TTC39B: variants seen among roughly 807,000 people sequenced by gnomAD.
TTC39B encodes tetratricopeptide repeat domain 39B.
In TTC39B, 92 loss-of-function variants were observed where a neutral mutation model predicts 96.6. The observed-to-expected ratio is 0.95, with a 90% CI of 0.80 to 1.13. The LOEUF (loss-of-function observed/expected upper bound fraction) is 1.13, where lower values mean the gene tolerates loss of function less well. Among genes scored for constraint, TTC39B ranks in the 50% most tolerant of loss-of-function variants. The probability of loss-of-function intolerance (pLI) is 0.00; values close to 1 mark genes in which losing one functional copy is unlikely to be tolerated. For missense variants in TTC39B, 955 were observed against 809.3 expected, an observed-to-expected ratio of 1.18 and a Z score of -2.18; for synonymous variants, 367 against 299.4, an observed-to-expected ratio of 1.23 and a Z score of -2.33.
chr9:15,300,477 T>C (rs577032003), intron 1 of TTC39B, among the ~76,000 whole-genome samples: 1 of 152,316 alleles, frequency 6.6e-6, no homozygotes, highest in South Asian at 2.1e-4. Context: ...TCTTCCACAC[T>C]AACTGTTGCA....
chr9:15,230,843 G>A (rs1349687485), intron 2 of TTC39B, among the ~76,000 whole-genome samples: 1 of 152,076 alleles, frequency 6.6e-6, no homozygotes, highest in African/African-American at 2.4e-5. Flanking sequence ...AAATTAGCCA[G>A]GCATGGTGGT....
At chr9:15,291,081 A>G (rs1268453865) in intron 1 of TTC39B, among the ~76,000 whole-genome samples, 1 of 152,250 alleles carries the variant, frequency 6.6e-6, no homozygotes, top group East Asian at 1.9e-4. Flanking sequence ...GTTAGACAGC[A>G]TTAAAGGAAT....
intron 11 of TTC39B, 101 bp downstream of exon 11, chr9:15,190,453 C>A: frequency 9.9e-7 from 1 of 1,013,054 alleles, no homozygotes. Context: ...TCAACTGATC[C>A]TCCCACCTCA....
At chr9:15,164,285 TTAAATTA>T (rs1203848696) in exon 20 of TTC39B, 46 of 152,336 alleles carry the variant, frequency 3.0e-4, no homozygotes, top group African/African-American at 1.0e-3. Flanking sequence ...TAACAGAACA[TTAAATTA>T]TAAAGTACAT....
intron 3 of TTC39B, among the ~76,000 whole-genome samples, chr9:15,224,108 T>C (rs537569182): frequency 2.6e-5 from 4 of 152,148 alleles, no homozygotes; most frequent in Non-Finnish European, 5.9e-5. Context: ...CTCCCACTCC[T>C]TCTATTCACA....
At chr9:15,172,998 A>G (rs1442960070) in intron 19 of TTC39B, among the ~76,000 whole-genome samples, 4 of 152,202 alleles carry the variant, frequency 2.6e-5, no homozygotes, top group Non-Finnish European at 4.4e-5. Context: ...GCATAAAGGG[A>G]AAGTGCAGAT....
At chr9:15,251,787 A>G (rs546299294) in intron 2 of TTC39B, among the ~76,000 whole-genome samples, 28 of 146,350 alleles carry the variant, frequency 1.9e-4, no homozygotes, top group African/African-American at 6.9e-4. Flanking sequence ...TGATACTACT[A>G]TTTTAAATTA....
chr9:15,273,587 A>T (rs1020886521), intron 1 of TTC39B, among the ~76,000 whole-genome samples: 2 of 152,036 alleles, frequency 1.3e-5, no homozygotes, highest in African/African-American at 4.8e-5. Context: ...ACGCTCATTT[A>T]ACCACCGCAC....
At chr9:15,260,594 TA>T (rs1822909001) in intron 2 of TTC39B, among the ~76,000 whole-genome samples, 1 of 150,456 alleles carries the variant, frequency 6.6e-6, no homozygotes, top group African/African-American at 2.5e-5. Context: ...AAAACTATTG[TA>T]TCACCAACTG....
chr9:15,259,588 G>A (rs185873338), intron 2 of TTC39B, among the ~76,000 whole-genome samples: 53 of 152,238 alleles, frequency 3.5e-4, no homozygotes, highest in Non-Finnish European at 3.5e-4. Flanking sequence ...TAAATAAAAT[G>A]TGATATATTC....
chr9:15,258,954 T>C (rs939872903), intron 2 of TTC39B, among the ~76,000 whole-genome samples: 34 of 152,240 alleles, frequency 2.2e-4, no homozygotes, highest in African/African-American at 7.7e-4. Context: ...CTTCCCCCTG[T>C]GAATTTATAT....
chr9:15,225,221 G>A (rs1010072544), intron 3 of TTC39B, among the ~76,000 whole-genome samples: 5 of 152,044 alleles, frequency 3.3e-5, no homozygotes, highest in African/African-American at 1.2e-4. Context: ...ATTTTAAGAA[G>A]TAGATTACTG....
At chr9:15,231,080 TA>T (rs1435715826) in intron 2 of TTC39B, among the ~76,000 whole-genome samples, 2 of 152,212 alleles carry the variant, frequency 1.3e-5, no homozygotes, top group African/African-American at 4.8e-5. Context: ...TAAATTATGG[TA>T]TGTGGAATTG....
intron 2 of TTC39B, chr9:15,232,179 A>G (rs901223459): frequency 3.3e-5 from 5 of 152,512 alleles, no homozygotes; most frequent in African/African-American, 1.2e-4. Flanking sequence ...TCAAGTATAT[A>G]CCCATCTGCT....
intron 16 of TTC39B, 98 bp downstream of exon 16, chr9:15,185,182 A>C: frequency 7.0e-7 from 1 of 1,435,274 alleles, no homozygotes; most frequent in Non-Finnish European, 9.3e-7. Flanking sequence ...AATGGTTTTT[A>C]AATGAGCTAA....
intron 8 of TTC39B, among the ~76,000 whole-genome samples, chr9:15,198,446 G>A (rs1819311332): frequency 7.6e-6 from 1 of 132,100 alleles, no homozygotes. Flanking sequence ...AACAAAGCAA[G>A]GTCTCGGTCG....
intron 19 of TTC39B, 117 bp from the exon 20 acceptor site, chr9:15,172,226 C>A: frequency 1.7e-6 from 1 of 585,994 alleles, no homozygotes; most frequent in Non-Finnish European, 2.8e-6. Flanking sequence ...ATATACATAA[C>A]CGTAGATCTT....
chr9:15,296,580 C>T (rs984455535), intron 1 of TTC39B, among the ~76,000 whole-genome samples: 3 of 152,264 alleles, frequency 2.0e-5, no homozygotes, highest in East Asian at 1.9e-4. Context: ...CTGCAATCTC[C>T]GCCTCCCAGG....
chr9:15,183,531 G>A (rs1317947131), intron 16 of TTC39B: 1 of 328,010 alleles, frequency 3.0e-6, no homozygotes, highest in African/African-American at 2.3e-5. Context: ...TACTTCCATA[G>A]ACCTGGAGAA....
Sources: allele counts gnomAD v4.1 joint callset (sites outside exome capture counted in the v4.1 genomes callset), GRCh38; gene constraint gnomAD v4.1.1; transcripts MANE v1.5; gene names NCBI Gene and HGNC (gene_info 2026-07-23, HGNC 2026-07-21).